The following ZNF385B variants were observed in gnomAD, a reference collection of about 807,000 sequenced individuals.
ZNF385B encodes the protein zinc finger protein 385B, also known as zinc finger protein 533.
A neutral mutation model predicts 39.2 loss-of-function variants in ZNF385B; 23 were observed. The ratio of observed to expected loss-of-function variants is 0.59; its 90% CI spans 0.42 to 0.83. The LOEUF is 0.83. ZNF385B is among the 40% of genes least tolerant of loss of function. The pLI is 0.00. For synonymous variants in ZNF385B, 205 were observed against 222.6 expected (o/e 0.92, Z 0.70); for missense variants, 552 against 598.9 (o/e 0.92, Z 0.82).
At chr2:179,686,595 T>C (rs1476995157) in intron 3 of ZNF385B, among the ~76,000 whole-genome samples, 1 of 152,124 alleles carries the variant, frequency 6.6e-6, no homozygotes, top group African/African-American at 2.4e-5. Flanking sequence ...ACAATGTGAA[T>C]GACTGGTCGG....
chr2:179,443,525 C>G (rs920348536), intron 9 of ZNF385B, 57 bp from the exon 10 acceptor site: 2 of 1,306,892 alleles, frequency 1.5e-6, no homozygotes, highest in Non-Finnish European at 2.2e-6. Flanking sequence ...AATAACAGCA[C>G]CACAGGCATC....
chr2:179,645,052 C>T (rs912075181), intron 3 of ZNF385B, among the ~76,000 whole-genome samples: 1 of 152,202 alleles, frequency 6.6e-6, no homozygotes, highest in Non-Finnish European at 1.5e-5. Context: ...ATCTCTAGAA[C>T]TCTTGTCAGA....
At chr2:179,654,768 C>A (rs540025456) in intron 3 of ZNF385B, among the ~76,000 whole-genome samples, 24 of 152,244 alleles carry the variant, frequency 1.6e-4, no homozygotes, top group African/African-American at 5.8e-4. Context: ...AACTCAGATT[C>A]TTTCATTGAA....
At chr2:179,748,472 A>C (rs983296315) in intron 3 of ZNF385B, among the ~76,000 whole-genome samples, 3 of 152,216 alleles carry the variant, frequency 2.0e-5, no homozygotes, top group Admixed American at 6.6e-5. Context: ...TTGTACCCAA[A>C]AGCAAAATAT....
intron 1 of ZNF385B, among the ~76,000 whole-genome samples, chr2:179,819,144 C>T (rs960443209): frequency 1.3e-5 from 2 of 151,626 alleles, no homozygotes; most frequent in South Asian, 2.1e-4. Flanking sequence ...AGTATGACTC[C>T]GAGTATCCAT....
intron 3 of ZNF385B, among the ~76,000 whole-genome samples, chr2:179,555,220 G>T (rs924248754): frequency 1.3e-5 from 2 of 149,612 alleles, no homozygotes; most frequent in Non-Finnish European, 3.0e-5. Flanking sequence ...TTGAAGAAAA[G>T]AACTAAAATA....
chr2:179,821,901 T>C (rs1707419797), intron 1 of ZNF385B, among the ~76,000 whole-genome samples: 1 of 152,202 alleles, frequency 6.6e-6, no homozygotes, highest in African/African-American at 2.4e-5. Context: ...AGAGTACTTC[T>C]ATAGTGTCCA....
intron 3 of ZNF385B, among the ~76,000 whole-genome samples, chr2:179,753,587 T>C (rs1230011783): frequency 6.6e-6 from 1 of 152,198 alleles, no homozygotes; most frequent in Non-Finnish European, 1.5e-5. Context: ...ATTCTTCCAT[T>C]TGTTTGTTTC....
At chr2:179,568,002 G>T (rs1230330807) in intron 3 of ZNF385B, among the ~76,000 whole-genome samples, 1 of 152,152 alleles carries the variant, frequency 6.6e-6, no homozygotes, top group East Asian at 1.9e-4. Context: ...TCACTCCAGT[G>T]GAACAGTTTC....
At chr2:179,650,273 A>C (rs1693085298) in intron 3 of ZNF385B, among the ~76,000 whole-genome samples, 1 of 152,232 alleles carries the variant, frequency 6.6e-6, no homozygotes, top group African/African-American at 2.4e-5. Context: ...ATATATATAC[A>C]TATTTTGGGA....
At chr2:179,792,371 TTTTC>T (rs1160190272) in intron 1 of ZNF385B, among the ~76,000 whole-genome samples, 1 of 61,726 alleles carries the variant, frequency 1.6e-5, no homozygotes, top group East Asian at 6.4e-4. Context: ...TTTCATTTTC[TTTTC>T]TTTTTTTTTT....
chr2:179,515,751 A>AT (rs774592691), intron 5 of ZNF385B, among the ~76,000 whole-genome samples: 1 of 151,978 alleles, frequency 6.6e-6, no homozygotes, highest in African/African-American at 2.4e-5. Flanking sequence ...CATATCATTA[A>AT]TTTTTTTCTA....
intron 3 of ZNF385B, among the ~76,000 whole-genome samples, chr2:179,625,542 G>C (rs1690580903): frequency 6.6e-6 from 1 of 151,870 alleles, no homozygotes; most frequent in Admixed American, 6.6e-5. Context: ...GAATAAAGGT[G>C]GCTAAATAAT....
chr2:179,729,020 T>C (rs1701202125), intron 3 of ZNF385B, among the ~76,000 whole-genome samples: 1 of 150,900 alleles, frequency 6.6e-6, no homozygotes, highest in Non-Finnish European at 1.5e-5. Context: ...CAAATTCTAA[T>C]GACATAGTGA....
At chr2:179,560,891 T>C (rs1353530575) in intron 3 of ZNF385B, among the ~76,000 whole-genome samples, 1 of 152,240 alleles carries the variant, frequency 6.6e-6, no homozygotes, top group Non-Finnish European at 1.5e-5. Context: ...AATTAGACCA[T>C]ATCTCTAGTT....
chr2:179,647,313 T>C (rs1283119187), intron 3 of ZNF385B, among the ~76,000 whole-genome samples: 1 of 152,144 alleles, frequency 6.6e-6, no homozygotes, highest in Non-Finnish European at 1.5e-5. Context: ...ATTTATGTGG[T>C]ACATCAACAT....
chr2:179,472,925 G>C (rs1370263524), intron 6 of ZNF385B, among the ~76,000 whole-genome samples: 1 of 152,106 alleles, frequency 6.6e-6, no homozygotes, highest in Non-Finnish European at 1.5e-5. Context: ...TGTGAGGTGG[G>C]CATCCACCTT....
At chr2:179,524,659 T>C (rs1466805930) in intron 4 of ZNF385B, among the ~76,000 whole-genome samples, 4 of 145,876 alleles carry the variant, frequency 2.7e-5, no homozygotes, top group Non-Finnish European at 4.5e-5. Context: ...TCAGACTGGA[T>C]AGGAAAATGA....
At chr2:179,466,323 A>T (rs1164415925) in intron 6 of ZNF385B, among the ~76,000 whole-genome samples, 1 of 152,108 alleles carries the variant, frequency 6.6e-6, no homozygotes, top group Non-Finnish European at 1.5e-5. Context: ...ATACATATAG[A>T]TAAAAAATGT....
Sources: gnomAD v4.1 joint callset for allele counts (sites outside exome capture counted in the v4.1 genomes callset) on GRCh38, gnomAD v4.1.1 for gene constraint, MANE v1.5 for transcripts, NCBI Gene and HGNC (gene_info 2026-07-23, HGNC 2026-07-21) for gene names.